The following ZNF84 variants were observed in gnomAD, a reference collection of about 807,000 sequenced individuals.
ZNF84 encodes zinc finger protein 84.
A neutral mutation model predicts 14.8 loss-of-function variants in ZNF84; 12 were observed. The observed-to-expected ratio is 0.81, with a 90% CI of 0.52 to 1.31. The LOEUF (loss-of-function observed/expected upper bound fraction) is 1.31, where lower values mean the gene tolerates loss of function less well. Among genes scored for constraint, ZNF84 ranks in the 50% most tolerant of loss-of-function variants. The pLI is 0.00. For synonymous variants in ZNF84, 347 were observed against 291.1 expected, an observed-to-expected ratio of 1.19 and a Z score of -1.96; for missense variants, 859 against 878.6, an observed-to-expected ratio of 0.98 and a Z score of 0.28.
chr12:133,037,644 C>T (rs1455397279), intron 1 of ZNF84, 99 bp downstream of exon 1: 3 of 152,130 alleles, frequency 2.0e-5, no homozygotes, highest in Non-Finnish European at 2.9e-5. Context: ...GCTTCAAGGC[C>T]CTGGGCGTCC....
intron 2 of ZNF84, among the ~76,000 whole-genome samples, chr12:133,043,384 C>T (rs772405400): frequency 1.3e-5 from 2 of 151,954 alleles, no homozygotes; most frequent in Non-Finnish European, 2.9e-5. Context: ...AGGCTGGTCG[C>T]GAACTCCTGA....
chr12:133,048,351 CT>C (rs1954018809), intron 3 of ZNF84: 25 of 339,932 alleles, frequency 7.4e-5, no homozygotes, highest in Non-Finnish European at 4.4e-5. Context: ...ATGCATATAA[CT>C]TACTATATGC....
chr12:133,061,322 T>G lies in ZNF84; in HGVS notation c.*2390T>G, dbSNP rs1183256926. The G allele has an allele frequency of 6.6e-6, 1 of 152,064 alleles. No homozygotes were observed. The highest frequency in any genetic ancestry group is 1.5e-5 in the Non-Finnish European group (1 of 68,032). The allele number at this position is 152,064 out of a possible 1,614,324, so 9.4% of individuals were successfully genotyped here. A position where few individuals can be genotyped will look rare whatever the true frequency, so the allele number is the denominator to read the frequency against. Reference sequence around the variant, plus strand: ...ATGGCCAACATGGCAAAACCCTGTCTTAAATTAGCCGGGCATGGTTGTGCG... The same window carrying G: ...ATGGCCAACATGGCAAAACCCTGTCGTAAATTAGCCGGGCATGGTTGTGCG... On this transcript the variant is annotated 3_prime_UTR_variant, in exon 5 of 5. Coordinates refer to ENST00000539354, the MANE Select transcript of ZNF84 (RefSeq NM_001289971.2).
intron 2 of ZNF84, 101 bp from the exon 3 acceptor site, chr12:133,047,854 G>A (rs1954008509): frequency 7.4e-7 from 1 of 1,359,540 alleles, no homozygotes. Flanking sequence ...TAGGCATTTT[G>A]TATAACTTGT....
At chr12:133,052,031 C>T (rs765879325) in intron 4 of ZNF84, among the ~76,000 whole-genome samples, 27 of 152,110 alleles carry the variant, frequency 1.8e-4, no homozygotes, top group Non-Finnish European at 2.8e-4. Context: ...AAAAAAAGAA[C>T]AGGGTAGTAA....
Position 133,059,005 on chromosome 12 carries a change from A to G in ZNF84, c.*73A>G. The G allele has an allele frequency of 7.0e-7, 1 of 1,421,820 alleles. No homozygotes were observed. Among genetic ancestry groups the G allele is most frequent in the Non-Finnish European group, 9.5e-7 (1 of 1,056,988 alleles). 88.1% of individuals were successfully genotyped at this position (1,421,820 alleles called of 1,614,324 possible). On this transcript the variant is annotated 3_prime_UTR_variant, in exon 5 of 5. Coordinates refer to ENST00000539354, the MANE Select transcript of ZNF84 (RefSeq NM_001289971.2). Reference sequence around the variant, plus strand: ...AATGCAATTATGATAACGTTTGTAGACAGTCACGTCATGTTAGGTGTTTGT... The same window carrying G: ...AATGCAATTATGATAACGTTTGTAGGCAGTCACGTCATGTTAGGTGTTTGT...
At position 133,047,667 on chromosome 12, in the gene ZNF84, C is replaced by T. The variant is rs1437560791; in HGVS notation, c.16-288C>T. 1.6e-5 allele frequency: 4 copies of T among 249,028 alleles called. No individual in the cohort carries two copies. The East Asian group carries it at 3.5e-4, about 22-fold the overall frequency. 15.4% of individuals were successfully genotyped at this position (249,028 alleles called of 1,614,324 possible). On this transcript the variant is annotated intron_variant, in intron 2 of 4. Coordinates refer to ENST00000539354, the MANE Select transcript of ZNF84 (RefSeq NM_001289971.2). ...TCGTCTTTCTTTACCTCCCTGGATA[C>T]ACATGTAGTTTACTATGGCACCTGT...
In ZNF84 at chr12:133,058,099, A is replaced by C. The variant is rs1414568993; in HGVS notation, c.1384A>C (p.Ser462Arg). The C allele has an allele frequency of 4.8e-5, 77 of 1,613,928 alleles. No individual in the cohort carries two copies. The highest frequency in any genetic ancestry group is 2.0e-4 in the Admixed American group (12 of 60,000). The change falls in exon 5 of 5, where the codon AGT becomes CGT. Residue 462 changes from serine to arginine, a missense_variant. Transcript: ENST00000539354. The stretch of plus-strand genomic sequence containing the variant: ...CACAGGAGAAAAACCCTTTATATGC[A>C]GTAAATGTGGGAAAGCCTTCAGCAG... ...THTGEKPFIC[S>R]KCGKAFSRKS...
intron 4 of ZNF84, among the ~76,000 whole-genome samples, chr12:133,049,379 A>G (rs1192237281): frequency 1.3e-5 from 2 of 152,030 alleles, no homozygotes; most frequent in African/African-American, 4.8e-5. Flanking sequence ...TGGAGCCGTC[A>G]TTTCTCCCAA....
chr12:133,039,146 T>A (rs1443121048), intron 1 of ZNF84: 1 of 152,220 alleles, frequency 6.6e-6, no homozygotes, highest in Admixed American at 6.5e-5. Flanking sequence ...TGTTCTAAGA[T>A]TTATGTATTA....
chr12:133,057,720 T>A lies in ZNF84; in HGVS notation c.1005T>A (p.Ile335=). The A allele has an allele frequency of 1.2e-6, 2 of 1,613,798 alleles. No individual in the cohort carries two copies. The highest frequency in any genetic ancestry group is 1.7e-5 in the Admixed American group (1 of 59,984). ...GRAFSEKSNL[I]NHQRIHTGEK... is the part of the protein sequence containing the mutation. ...CCTTTAGTGAAAAGTCCAATCTCAT[T>A]AACCATCAGAGAATTCATACCGGTG... Residue 335 remains isoleucine (I), a synonymous_variant, in exon 5 of 5, where the codon ATT becomes ATA. Coordinates refer to ENST00000539354, the MANE Select transcript of ZNF84 (RefSeq NM_001289971.2).
At position 133,058,271 on chromosome 12, in the gene ZNF84, A is replaced by G. The variant is rs1954197239; in HGVS notation, c.1556A>G (p.Glu519Gly). 2 of 1,614,070 alleles carry G rather than the reference A, an allele frequency of 1.2e-6. No individual in the cohort carries two copies. Among genetic ancestry groups the G allele is most frequent in the Non-Finnish European group, 1.7e-6 (2 of 1,180,036 alleles). The change falls in exon 5 of 5, where the codon GAA becomes GGA. Residue 519 changes from glutamate (E) to glycine (G), a missense_variant. Transcript: ENST00000539354. ...GGAGAAAAACCATATGTATGCAGTG[A>G]ATGTGGGAAAGCCTTTTGTCAGAAG... is the stretch of plus-strand genomic sequence containing the variant. ...HTGEKPYVCS[E>G]CGKAFCQKSH...
Position 133,058,006 on chromosome 12 carries a change from CAT to C in ZNF84, c.1292_1293del (p.His431ArgfsTer32). The C allele has an allele frequency of 6.2e-7, 1 of 1,612,656 alleles. No homozygotes were observed. On this transcript the variant is annotated frameshift_variant, in exon 5 of 5. Transcript: ENST00000539354. LOFTEE classifies it low-confidence loss of function (END_TRUNC). The stretch of plus-strand genomic sequence containing the variant: ...GAGAACACATACAGGAGAGAAACCT[CAT>C]GGATGCATTCAGTGTGGGAAGGCCT... ...HQRTHTGEKP[H>X]GCIQCGKAFS...
chr12:133,048,872 A>T lies in ZNF84; in HGVS notation c.238+24A>T. The stretch of plus-strand genomic sequence containing the variant: ...AGGTGAGTGTATGAGAACCAGGCAG[A>T]TGGGAGAGAGCAGAAGCCCCATGTC... On this transcript the variant is annotated intron_variant, in intron 4 of 4. Transcript: ENST00000539354. 2.5e-6 allele frequency: 4 copies of T among 1,589,938 alleles called. No homozygotes were observed. In the Admixed American group the frequency reaches 6.7e-5, roughly 27 times the overall value.
chr12:133,045,223 C>A (rs1953959091), intron 2 of ZNF84, among the ~76,000 whole-genome samples: 3 of 152,144 alleles, frequency 2.0e-5, no homozygotes, highest in African/African-American at 7.2e-5. Context: ...GTAATCCCAG[C>A]ACTTTGGGAG....
At position 133,057,102 on chromosome 12, in the gene ZNF84, A is replaced by G. The variant is rs1411791494; in HGVS notation, c.387A>G (p.Glu129=). 3 of 1,613,186 alleles carry G rather than the reference A, an allele frequency of 1.9e-6. No homozygotes were observed. Among genetic ancestry groups the G allele is most frequent in the Middle Eastern group, 1.6e-4 (1 of 6,082 alleles). The change falls in exon 5 of 5, where the codon GAA becomes GAG. Residue 129 remains glutamate, a synonymous_variant. Transcript: ENST00000539354. ...TTCCTTTAAGGAAATCAAACAGTGAAGGTGACTTAGATGGATTGATTTTAA... is the reference window on the plus strand; with the variant it reads ...TTCCTTTAAGGAAATCAAACAGTGAGGGTGACTTAGATGGATTGATTTTAA... ...NFVPLRKSNS[E]GDLDGLILKH...
intron 2 of ZNF84, among the ~76,000 whole-genome samples, chr12:133,044,014 G>A (rs1953934680): frequency 6.6e-6 from 1 of 150,538 alleles, no homozygotes; most frequent in South Asian, 2.1e-4. Flanking sequence ...CACCCGCCTC[G>A]GCCTCCCAAT....
At chr12:133,055,338 C>T (rs1954135729) in intron 4 of ZNF84, among the ~76,000 whole-genome samples, 1 of 151,650 alleles carries the variant, frequency 6.6e-6, no homozygotes, top group Admixed American at 6.6e-5. Context: ...ATCCACATAA[C>T]AAAAAAATTA....
At chr12:133,044,346 G>A (rs1953941911) in intron 2 of ZNF84, among the ~76,000 whole-genome samples, 2 of 148,360 alleles carry the variant, frequency 1.3e-5, no homozygotes, top group Admixed American at 1.3e-4. Context: ...GTAGTGACAG[G>A]TTCTCACTAT....
Sources: gnomAD v4.1 joint callset for allele counts (sites outside exome capture counted in the v4.1 genomes callset) on GRCh38, gnomAD v4.1.1 for gene constraint, MANE v1.5 for transcripts, NCBI Gene and HGNC (gene_info 2026-07-23, HGNC 2026-07-21) for gene names.